Variants in ARID2 observed in about 807,000 individuals in gnomAD.
The protein encoded by ARID2 is AT-rich interaction domain 2, also known as AT-rich interactive domain-containing protein 2.
In ARID2, 32 loss-of-function variants were observed where a neutral mutation model predicts 184.6. The ratio of observed to expected loss-of-function variants is 0.17; its 90% CI spans 0.13 to 0.23. ARID2 has a LOEUF of 0.23. ARID2 is among the 10% of genes least tolerant of loss of function. ARID2 has a pLI of 1.00. For synonymous variants in ARID2, 836 were observed against 772.6 expected, an observed-to-expected ratio of 1.08 and a Z score of -1.36; for missense variants, 1,696 against 2,197.6, an observed-to-expected ratio of 0.77 and a Z score of 4.56.
In ARID2 at chr12:45,729,735, C is replaced by T. The variant is rs1315933645; in HGVS notation, c.-102C>T. The T allele has an allele frequency of 2.4e-6, 3 of 1,225,142 alleles. No homozygotes were observed. Among genetic ancestry groups the T allele is most frequent in the Non-Finnish European group, 2.3e-6 (2 of 881,302 alleles). The allele number at this position is 1,225,142 out of a possible 1,614,324, so 75.9% of individuals were successfully genotyped here. On this transcript the variant is annotated 5_prime_UTR_variant, in exon 1 of 21. Coordinates refer to ENST00000334344, the MANE Select transcript of ARID2 (RefSeq NM_152641.4). ...GCCCATGACTGAGCCCCGCCGCCGCCGGCCGAGGAATGGGCTCCGGGCTCT... is the reference window on the plus strand; with the variant it reads ...GCCCATGACTGAGCCCCGCCGCCGCTGGCCGAGGAATGGGCTCCGGGCTCT...
Position 45,884,126 on chromosome 12 carries a change from G to A in ARID2, c.4923-7654G>A, listed in dbSNP as rs533460911. Among the ~76,000 whole-genome samples the A allele has an allele frequency of 1.1e-4, 17 of 152,228 alleles. No individual in the cohort carries two copies. The South Asian group carries it at 3.5e-3, about 32-fold the overall frequency. ...AGAATAACATTGTTGACCAGACACG[G>A]TGGCTCATGCCTGTAATCCCAGCAC... On this transcript the variant is annotated intron_variant, in intron 16 of 20. Coordinates refer to ENST00000334344, the MANE Select transcript of ARID2 (RefSeq NM_152641.4).
At position 45,797,810 on chromosome 12, in the gene ARID2, C is replaced by CT. The variant is rs527919622; in HGVS notation, c.285-13603dup. 2.8e-3 allele frequency among the ~76,000 whole-genome samples: 422 copies of CT among 151,766 alleles called. 3 individuals are homozygous for CT. Among genetic ancestry groups the CT allele is most frequent in the Middle Eastern group, 3.4e-3 (1 of 294 alleles). ...TCTTCACGTGTATATGAAATACTAG[C>CT]TTTTTATATCAGAGAATTATTGATT... is the stretch of plus-strand genomic sequence containing the variant. On this transcript the variant is annotated intron_variant, in intron 3 of 20. Coordinates refer to ENST00000334344, the MANE Select transcript of ARID2 (RefSeq NM_152641.4).
chr12:45,729,757 C>A lies in ARID2; in HGVS notation c.-80C>A. The A allele has an allele frequency of 7.2e-7, 1 of 1,392,754 alleles. No homozygotes were observed. The highest frequency in any genetic ancestry group is 9.9e-7 in the Non-Finnish European group (1 of 1,010,676). The allele number at this position is 1,392,754 out of a possible 1,614,324, so 86.3% of individuals were successfully genotyped here. A position where few individuals can be genotyped will look rare whatever the true frequency, so the allele number is the denominator to read the frequency against. On this transcript the variant is annotated 5_prime_UTR_variant, in exon 1 of 21. Coordinates refer to ENST00000334344, the MANE Select transcript of ARID2 (RefSeq NM_152641.4). ...CGCCGGCCGAGGAATGGGCTCCGGG[C>A]TCTGGTAGGAAGCGCTGGGAGCGGG...
intron 3 of ARID2, among the ~76,000 whole-genome samples, chr12:45,805,054 G>A (rs1474437255): frequency 6.6e-6 from 1 of 151,924 alleles, no homozygotes; most frequent in East Asian, 1.9e-4. Context: ...GCCTCAATAT[G>A]CCACAGTATT....
At chr12:45,892,412 G>C (rs1944312309) in intron 18 of ARID2, among the ~76,000 whole-genome samples, 1 of 151,892 alleles carries the variant, frequency 6.6e-6, no homozygotes, top group African/African-American at 2.4e-5. Context: ...ACTGTGTATG[G>C]TTCTTTTTTC....
intron 3 of ARID2, among the ~76,000 whole-genome samples, chr12:45,750,992 T>C (rs1437965634): frequency 2.6e-5 from 4 of 152,184 alleles, no homozygotes; most frequent in Non-Finnish European, 5.9e-5. Context: ...ATTTAATGAA[T>C]AATAATTGAT....
intron 3 of ARID2, among the ~76,000 whole-genome samples, chr12:45,771,269 A>G (rs953779491): frequency 6.6e-6 from 1 of 151,764 alleles, no homozygotes; most frequent in African/African-American, 2.4e-5. Context: ...GAGGCAGGAG[A>G]ATCGCTTGAG....
chr12:45,865,952 T>A (rs1195690343), intron 16 of ARID2, among the ~76,000 whole-genome samples: 1 of 152,118 alleles, frequency 6.6e-6, no homozygotes, highest in Non-Finnish European at 1.5e-5. Context: ...TTCTAGCTTT[T>A]AAAAAATTTA....
chr12:45,779,198 A>G (rs1942042409), intron 3 of ARID2, among the ~76,000 whole-genome samples: 1 of 151,890 alleles, frequency 6.6e-6, no homozygotes, highest in Non-Finnish European at 1.5e-5. Flanking sequence ...ATTTCCTTTT[A>G]TATTTCTAGA....
chr12:45,868,766 A>G (rs1047045320), intron 16 of ARID2, among the ~76,000 whole-genome samples: 5 of 152,166 alleles, frequency 3.3e-5, no homozygotes. Context: ...TACTAATCCT[A>G]TAAATGCTGT....
chr12:45,787,746 T>C (rs1289339874), intron 3 of ARID2, among the ~76,000 whole-genome samples: 6 of 152,168 alleles, frequency 3.9e-5, no homozygotes, highest in Admixed American at 3.9e-4. Context: ...GTATATATTA[T>C]CCTAATTAAG....
intron 20 of ARID2, among the ~76,000 whole-genome samples, chr12:45,899,098 C>T (rs1162552253): frequency 6.7e-6 from 1 of 150,190 alleles, no homozygotes; most frequent in Non-Finnish European, 1.5e-5. Context: ...ATGGTGAAAC[C>T]CCATCTCTAC....
In ARID2 at chr12:45,819,717, G is replaced by A. The variant is rs533333101; in HGVS notation, c.638-1703G>A. On this transcript the variant is annotated intron_variant, in intron 5 of 20. Coordinates refer to ENST00000334344, the MANE Select transcript of ARID2 (RefSeq NM_152641.4). ...TATTGTTTTCCCAGGGATGTTATTTGCTTGGTGGGTTTTTTGTTTGTTTTT... is the reference window on the plus strand; with the variant it reads ...TATTGTTTTCCCAGGGATGTTATTTACTTGGTGGGTTTTTTGTTTGTTTTT... Among the ~76,000 whole-genome samples the A allele has an allele frequency of 8.6e-5, 13 of 150,414 alleles. No individual in the cohort carries two copies. The South Asian group carries it at 2.5e-3, about 29-fold the overall frequency.
At chr12:45,835,887 C>T (rs12307780) in intron 6 of ARID2, among the ~76,000 whole-genome samples, 5 of 150,186 alleles carry the variant, frequency 3.3e-5, no homozygotes, top group East Asian at 1.9e-4. Flanking sequence ...GTGAAAAGAG[C>T]GAAACTCCAT....
intron 6 of ARID2, among the ~76,000 whole-genome samples, chr12:45,821,776 A>G (rs982028249): frequency 6.6e-6 from 1 of 152,204 alleles, no homozygotes; most frequent in African/African-American, 2.4e-5. Flanking sequence ...AATGGGTTTC[A>G]GGAAGTTTTC....
intron 5 of ARID2, among the ~76,000 whole-genome samples, chr12:45,819,272 C>G (rs965638660): frequency 6.6e-6 from 1 of 152,202 alleles, no homozygotes; most frequent in South Asian, 2.1e-4. Context: ...CCTAATTTAT[C>G]TTCATGCATT....
intron 3 of ARID2, among the ~76,000 whole-genome samples, chr12:45,733,125 G>A (rs1246578610): frequency 1.3e-5 from 2 of 152,074 alleles, no homozygotes; most frequent in Non-Finnish European, 2.9e-5. Context: ...CTCTAGGTTT[G>A]TTTTTGCAGG....
chr12:45,877,637 G>A (rs190500529), intron 16 of ARID2, among the ~76,000 whole-genome samples: 29 of 152,216 alleles, frequency 1.9e-4, no homozygotes, highest in Middle Eastern at 6.8e-3. Flanking sequence ...TTCCATGAAA[G>A]TGGTCCCTGG....
intron 20 of ARID2, among the ~76,000 whole-genome samples, chr12:45,904,689 CAAAAA>C (rs755707280): frequency 1.7e-4 from 6 of 35,686 alleles, no homozygotes; most frequent in East Asian, 2.2e-3. Context: ...GACTCCTTCT[CAAAAA>C]AAAAAAAAAA....
Sources: allele counts gnomAD v4.1 joint callset (sites outside exome capture counted in the v4.1 genomes callset), GRCh38; gene constraint gnomAD v4.1.1; transcripts MANE v1.5; gene names NCBI Gene and HGNC (gene_info 2026-07-23, HGNC 2026-07-21).